Variants in DRP2 observed in about 807,000 individuals in gnomAD.
DRP2 encodes the protein dystrophin-related protein 2.
In DRP2, 29 loss-of-function variants were observed where a neutral mutation model predicts 78.2. The ratio of observed to expected loss-of-function variants is 0.37; its 90% CI spans 0.28 to 0.51. The LOEUF (loss-of-function observed/expected upper bound fraction) is 0.51, where lower values mean the gene tolerates loss of function less well. Among genes scored for constraint, DRP2 ranks in the 20% least tolerant of loss-of-function variants. The pLI is 0.94. For missense variants in DRP2, 686 were observed against 770.6 expected, an observed-to-expected ratio of 0.89 and a Z score of 1.30; for synonymous variants, 290 against 281.9, an observed-to-expected ratio of 1.03 and a Z score of -0.29.
In DRP2 at chrX:101,224,181, G is replaced by GTTTTTT. The variant is rs1379202759; in HGVS notation, c.-166-423_-166-422insTTTTTT. 4.3e-3 allele frequency among the ~76,000 whole-genome samples: 207 copies of GTTTTTT among 47,623 alleles called. 14 individuals are homozygous for GTTTTTT. Among genetic ancestry groups the GTTTTTT allele is most frequent in the African/African-American group, 5.9e-3 (48 of 8,174 alleles). The allele number at this position is 47,623 out of a possible 115,157, so 41.4% of individuals were successfully genotyped here. On this transcript the variant is annotated intron_variant, in intron 1 of 23. Coordinates refer to ENST00000395209, the MANE Select transcript of DRP2 (RefSeq NM_001939.3). ...TCCCAAGAATAATAAATGTTTGCTGGGTTTTTTTTGTTTTTTTTTTTTTTT... is the reference window on the plus strand; with the variant it reads ...TCCCAAGAATAATAAATGTTTGCTGGTTTTTTGTTTTTTTTGTTTTTTTTTTTTTTT...
chrX:101,237,424 C>G (rs1828398790), intron 4 of DRP2, among the ~76,000 whole-genome samples, 195 bp from the exon 5 acceptor site: 1 of 111,950 alleles, frequency 8.9e-6, no homozygotes, highest in Non-Finnish European at 1.9e-5. Flanking sequence ...GTACTGTGCT[C>G]TATGTGGAGG....
intron 19 of DRP2, 73 bp from the exon 20 acceptor site, chrX:101,255,111 G>A (rs1923290737): frequency 3.6e-6 from 4 of 1,116,989 alleles, no homozygotes; most frequent in Admixed American, 4.4e-5. Flanking sequence ...ATCCTGCTGT[G>A]AGATTAAAGT....
chrX:101,235,467 G>T (rs764911576), intron 3 of DRP2, among the ~76,000 whole-genome samples: 1 of 112,700 alleles, frequency 8.9e-6, no homozygotes, highest in East Asian at 2.8e-4. Context: ...CAGCTTACCT[G>T]CAATGGTATG....
At chrX:101,259,486 T>A (rs766159305) in intron 22 of DRP2, among the ~76,000 whole-genome samples, 9 of 111,023 alleles carry the variant, frequency 8.1e-5, no homozygotes, top group South Asian at 3.8e-4. Flanking sequence ...CCATTCTTTA[T>A]TTAATTAATT....
chrX:101,244,572 C>A (rs1256038806), intron 9 of DRP2, among the ~76,000 whole-genome samples: 1 of 111,549 alleles, frequency 9.0e-6, no homozygotes, highest in African/African-American at 3.3e-5. Flanking sequence ...TGGGCAGTAC[C>A]ATTACCCACA....
In DRP2 at chrX:101,242,383, C is replaced by T. The variant is rs1435395320; in HGVS notation, c.887C>T (p.Ala296Val). Residue 296 changes from alanine to valine, a missense_variant, in exon 8 of 24, where the codon GCC becomes GTC. Around this residue, in one of 2 missense-constraint regions of DRP2, gnomAD observed 263 missense variants for 239.1 expected, o/e 1.10. Transcript: ENST00000395209. ...KDGVKLVNDLAHQLAISDVHL... is the reference protein window; with the variant it reads ...KDGVKLVNDLVHQLAISDVHL... ...GGAGTAAAGTTGGTGAATGATCTGG[C>T]CCACCAACTTGCCATTTCTGATGTG... The T allele has an allele frequency of 2.5e-6, 3 of 1,211,559 alleles. No individual in the cohort carries two copies. Among genetic ancestry groups the T allele is most frequent in the Non-Finnish European group, 3.4e-6 (3 of 895,335 alleles).
chrX:101,221,787 C>CACCATGCCAGCT (rs1490141763), intron 1 of DRP2, among the ~76,000 whole-genome samples: 1 of 111,893 alleles, frequency 8.9e-6, no homozygotes, highest in Admixed American at 9.5e-5. Context: ...TTGGATCTGC[C>CACCATGCCAGCT]ACCATGCCAG....
At position 101,258,296 on chromosome X, in the gene DRP2, C is replaced by T. The variant is rs746548386; in HGVS notation, c.2391-13C>T. On this transcript the variant is annotated splice_polypyrimidine_tract_variant and intron_variant, in intron 21 of 23. Transcript: ENST00000395209. ...GTTAGAGCCATAGGTCTTGGTGTCTCTCTCCATGGCAGGATTCTCCAGGGA... is the reference window on the plus strand; with the variant it reads ...GTTAGAGCCATAGGTCTTGGTGTCTTTCTCCATGGCAGGATTCTCCAGGGA... The T allele has an allele frequency of 1.0e-5, 12 of 1,163,853 alleles. No individual in the cohort carries two copies. The South Asian group carries it at 2.1e-4, about 20-fold the overall frequency.
At chrX:101,225,042 T>A (rs1397965114) in intron 2 of DRP2, among the ~76,000 whole-genome samples, 1 of 111,619 alleles carries the variant, frequency 9.0e-6, no homozygotes, top group African/African-American at 3.3e-5. Flanking sequence ...GAAAAAAAAA[T>A]TTATTGAGCT....
chrX:101,263,105 G>A lies in DRP2; in HGVS notation c.*2484G>A, dbSNP rs186958549. 1.9e-4 allele frequency: 21 copies of A among 111,586 alleles called. No homozygotes were observed. Among genetic ancestry groups the A allele is most frequent in the African/African-American group, 5.5e-4 (17 of 30,730 alleles). The allele number at this position is 111,586 out of a possible 1,213,427, so 9.2% of individuals were successfully genotyped here. On this transcript the variant is annotated 3_prime_UTR_variant, in exon 24 of 24. Coordinates refer to ENST00000395209, the MANE Select transcript of DRP2 (RefSeq NM_001939.3). ...CTCACTAAGGGGTCACTGACATTTT[G>A]TGGTCCTGTGTTTACCTTAATGCCT... is the stretch of plus-strand genomic sequence containing the variant.
At chrX:101,226,404 G>A (rs1236046623) in intron 2 of DRP2, among the ~76,000 whole-genome samples, 1 of 111,908 alleles carries the variant, frequency 8.9e-6, no homozygotes, top group Admixed American at 9.5e-5. Context: ...CAGTTTATGG[G>A]TGCCTAGCAC....
In DRP2 at chrX:101,263,333, C is replaced by T. The variant is rs1939163647; in HGVS notation, c.*2712C>T. The T allele has an allele frequency of 8.9e-6, 1 of 112,071 alleles. No homozygotes were observed. The highest frequency in any genetic ancestry group is 9.4e-5 in the Admixed American group (1 of 10,602). The allele number at this position is 112,071 out of a possible 1,213,427, so 9.2% of individuals were successfully genotyped here. On this transcript the variant is annotated 3_prime_UTR_variant, in exon 24 of 24. Transcript: ENST00000395209. ...TGCATGGCACTGTGTAGTTTATAGCCCTACACTGGAAGGATGGTGAAGGGA... is the reference window on the plus strand; with the variant it reads ...TGCATGGCACTGTGTAGTTTATAGCTCTACACTGGAAGGATGGTGAAGGGA...
intron 5 of DRP2, 67 bp downstream of exon 5, chrX:101,237,842 C>T (rs985728906): frequency 7.2e-5 from 72 of 993,937 alleles, no homozygotes; most frequent in Non-Finnish European, 7.5e-5. Context: ...TTCTTCAGTA[C>T]CCTGACAGAC....
chrX:101,224,191 G>GTTTTTTTTTTTTTTTTTTTTTTTTTTTTT (rs1167730116), intron 1 of DRP2, among the ~76,000 whole-genome samples: 2 of 38,868 alleles, frequency 5.1e-5, no homozygotes, highest in African/African-American at 1.3e-4. Flanking sequence ...GGTTTTTTTT[G>GTTTTTTTTTTTTTTTTTTTTTTTTTTTTT]TTTTTTTTTT....
chrX:101,258,438 T>C lies in DRP2; in HGVS notation c.2520T>C (p.Arg840=). 1 of 1,205,394 alleles carries C rather than the reference T, an allele frequency of 8.3e-7. No individual in the cohort carries two copies. The highest frequency in any genetic ancestry group is 1.1e-6 in the Non-Finnish European group (1 of 892,321). The change falls in exon 22 of 24, where the codon CGT becomes CGC. Residue 840 remains arginine, a synonymous_variant. Coordinates refer to ENST00000395209, the MANE Select transcript of DRP2 (RefSeq NM_001939.3). ...ATGAGGAGCTTCTGGCCGAGGCCCG[T>C]ATCCTTCGGCAACATAAGAGCCGCC... The part of the protein sequence containing the change: ...HRNEELLAEA[R]ILRQHKSRLE...
chrX:101,259,655 T>C (rs753952559), intron 22 of DRP2, among the ~76,000 whole-genome samples: 9 of 111,418 alleles, frequency 8.1e-5, no homozygotes, highest in African/African-American at 2.6e-4. Context: ...TGGGCCACCA[T>C]GCCCGGCTAA....
intron 14 of DRP2, among the ~76,000 whole-genome samples, chrX:101,250,174 C>G (rs1216135064): frequency 9.0e-6 from 1 of 111,221 alleles, no homozygotes; most frequent in Non-Finnish European, 1.9e-5. Flanking sequence ...CACTCTTTCT[C>G]TCTCTGTCTC....
rs141070885 is a variant in DRP2 at position 101,248,037 on chromosome X, G to C, written c.1253-52G>C. 2,531 of 1,116,334 alleles carry C rather than the reference G, an allele frequency of 2.3e-3. 40 individuals carry two copies. In the African/African-American group the frequency reaches 0.041, roughly 18 times the overall value. The allele number at this position is 1,116,334 out of a possible 1,213,427, so 92.0% of individuals were successfully genotyped here. ...GGCTTTATCTCCTTATTTAATCCCTGGGGTTCTACTTTTGGCTATATTTTT... is the reference window on the plus strand; with the variant it reads ...GGCTTTATCTCCTTATTTAATCCCTCGGGTTCTACTTTTGGCTATATTTTT... On this transcript the variant is annotated intron_variant, in intron 12 of 23. Transcript: ENST00000395209.
chrX:101,225,060 T>C (rs750146256), intron 2 of DRP2, among the ~76,000 whole-genome samples: 12 of 111,866 alleles, frequency 1.1e-4, no homozygotes, highest in African/African-American at 1.6e-4. Context: ...GCTCTAGGCA[T>C]TGGGGAGGCT....
Sources: allele counts gnomAD v4.1 joint callset (sites outside exome capture counted in the v4.1 genomes callset), GRCh38; gene constraint gnomAD v4.1.1; regional missense constraint gnomAD v4.1.1; transcripts MANE v1.5; gene names NCBI Gene and HGNC (gene_info 2026-07-23, HGNC 2026-07-21).